Variants in NDUFA5 observed in about 807,000 individuals in gnomAD.
NDUFA5 encodes the protein NADH:ubiquinone oxidoreductase subunit A5, also known as NADH dehydrogenase [ubiquinone] 1 alpha subcomplex subunit 5.
A neutral mutation model predicts 19.8 loss-of-function variants in NDUFA5; 11 were observed. The ratio of observed to expected loss-of-function variants is 0.56; its 90% CI spans 0.35 to 0.92. The LOEUF (loss-of-function observed/expected upper bound fraction) is 0.92. Among genes scored for constraint, NDUFA5 ranks in the 40% least tolerant of loss-of-function variants. NDUFA5 has a pLI of 0.01. For synonymous variants in NDUFA5, 47 were observed against 46.8 expected (o/e 1.00, Z -0.01); for missense variants, 109 against 134.2 (o/e 0.81, Z 0.93).
chr7:123,594,443 G>A, the NDUFA5 span, among the ~76,000 whole-genome samples: 1 of 152,114 alleles, frequency 6.6e-6, no homozygotes, highest in Non-Finnish European at 1.5e-5. Flanking sequence ...TTTGTTGTTG[G>A]TGACCTACGT....
At chr7:123,558,331 G>T, upstream of NDUFA5, 1 of 154,934 alleles carries the variant, frequency 6.5e-6, no homozygotes, top group African/African-American at 2.4e-5. Context: ...CGCTCTTTTC[G>T]ATTTCACTGG....
the NDUFA5 span, among the ~76,000 whole-genome samples, chr7:123,581,409 G>T: frequency 1.1e-4 from 14 of 129,306 alleles, no homozygotes; most frequent in East Asian, 3.0e-3. Flanking sequence ...ATTCAAGTGA[G>T]CACTTAAAAA....
At chr7:123,556,469 A>T (rs934185876) in intron 2 of NDUFA5, 7 of 168,720 alleles carry the variant, frequency 4.1e-5, no homozygotes, top group African/African-American at 1.7e-4. Context: ...ATCCTGACTA[A>T]CTCAAATTTT....
the NDUFA5 span, among the ~76,000 whole-genome samples, chr7:123,576,728 C>T: frequency 6.6e-6 from 1 of 152,142 alleles, no homozygotes; most frequent in Non-Finnish European, 1.5e-5. Flanking sequence ...TTACTACACA[C>T]TTCACTGTGA....
Position 123,542,044 on chromosome 7 carries a change from TAAG to T in NDUFA5, c.*72_*74del. ...TTTCTTGATTACAAAATGTCAGTAA[TAAG>T]AACACGCTCTTAATATAACAGAATA... On this transcript the variant is annotated 3_prime_UTR_variant, in exon 5 of 5. Transcript: ENST00000355749. 5.8e-6 allele frequency: 6 copies of T among 1,040,922 alleles called. No individual in the cohort carries two copies. The highest frequency in any genetic ancestry group is 8.3e-6 in the Non-Finnish European group (6 of 726,688). 64.5% of individuals were successfully genotyped at this position (1,040,922 alleles called of 1,614,324 possible).
At chr7:123,569,209 C>T in the NDUFA5 span, among the ~76,000 whole-genome samples, 2 of 152,126 alleles carry the variant, frequency 1.3e-5, no homozygotes, top group African/African-American at 4.8e-5. Flanking sequence ...GCTAAAGAGA[C>T]AGACGTAAAT....
chr7:123,552,636 T>TAAAAAAAAAAAA (rs774901648), intron 2 of NDUFA5, among the ~76,000 whole-genome samples: 8 of 67,370 alleles, frequency 1.2e-4, no homozygotes, highest in Admixed American at 1.7e-4. Flanking sequence ...AAAGTATAAC[T>TAAAAAAAAAAAA]AAAAAAAAAA....
the NDUFA5 span, among the ~76,000 whole-genome samples, chr7:123,597,474 C>A: frequency 2.0e-4 from 30 of 152,020 alleles, no homozygotes; most frequent in South Asian, 6.2e-4. Context: ...AGGAAAAAAA[C>A]CAGCATACAT....
the NDUFA5 span, among the ~76,000 whole-genome samples, chr7:123,573,006 C>T: frequency 2.0e-5 from 3 of 151,944 alleles, no homozygotes; most frequent in Non-Finnish European, 4.4e-5. Context: ...AAACGATCAG[C>T]TATGTGTTTT....
chr7:123,600,612 T>G, the NDUFA5 span, among the ~76,000 whole-genome samples: 1 of 152,226 alleles, frequency 6.6e-6, no homozygotes, highest in Non-Finnish European at 1.5e-5. Flanking sequence ...ATGTAGACAA[T>G]GTATGCAATG....
At chr7:123,577,266 A>G in the NDUFA5 span, among the ~76,000 whole-genome samples, 1 of 152,174 alleles carries the variant, frequency 6.6e-6, no homozygotes, top group Non-Finnish European at 1.5e-5. Flanking sequence ...TTATTACAAA[A>G]ATAATAATTG....
In NDUFA5 at chr7:123,537,965, T is replaced by C. The variant is rs1044547795; in HGVS notation, c.*4154A>G. The stretch of plus-strand genomic sequence containing the variant: ...ATACAGATGCCAATCATAAATTACA[T>C]TTAAGTGTACCACAAAAAATTAGCT... On this transcript the variant is annotated 3_prime_UTR_variant, in exon 5 of 5. Coordinates refer to ENST00000355749, the MANE Select transcript of NDUFA5 (RefSeq NM_005000.5). The C allele has an allele frequency of 6.6e-6, 1 of 152,214 alleles. No homozygotes were observed. The highest frequency in any genetic ancestry group is 1.5e-5 in the Non-Finnish European group (1 of 68,036). 9.4% of individuals were successfully genotyped at this position (152,214 alleles called of 1,614,324 possible).
At chr7:123,545,720 G>T in intron 3 of NDUFA5, 44 bp from the exon 4 acceptor site, 2 of 1,346,570 alleles carry the variant, frequency 1.5e-6, no homozygotes, top group South Asian at 2.4e-5. Flanking sequence ...CATACTAACT[G>T]AATGTTTCAA....
the NDUFA5 span, among the ~76,000 whole-genome samples, chr7:123,591,213 A>AT: frequency 6.6e-6 from 1 of 151,992 alleles, no homozygotes; most frequent in Non-Finnish European, 1.5e-5. Flanking sequence ...AGACAATGGG[A>AT]TTTTCTAAAT....
the NDUFA5 span, among the ~76,000 whole-genome samples, chr7:123,587,477 A>G: frequency 6.6e-6 from 1 of 151,386 alleles, no homozygotes; most frequent in African/African-American, 2.4e-5. Context: ...TATACATGGT[A>G]TTATGTCATC....
At chr7:123,581,042 T>C in the NDUFA5 span, among the ~76,000 whole-genome samples, 1 of 151,966 alleles carries the variant, frequency 6.6e-6, no homozygotes, top group East Asian at 1.9e-4. Context: ...CTGGCTTTCT[T>C]CAGCTTGTTG....
At chr7:123,582,981 T>A in the NDUFA5 span, among the ~76,000 whole-genome samples, 1 of 152,096 alleles carries the variant, frequency 6.6e-6, no homozygotes. Flanking sequence ...TACTAGCCTC[T>A]ATTTTAAAAT....
chr7:123,572,936 C>A, the NDUFA5 span, among the ~76,000 whole-genome samples: 2 of 148,840 alleles, frequency 1.3e-5, no homozygotes, highest in African/African-American at 5.0e-5. Flanking sequence ...TTTTTTTGTC[C>A]CTGCTGGTTT....
chr7:123,547,742 G>GA (rs1399340137), intron 3 of NDUFA5, among the ~76,000 whole-genome samples: 2 of 152,132 alleles, frequency 1.3e-5, no homozygotes, highest in Non-Finnish European at 2.9e-5. Flanking sequence ...TTTCATTTCA[G>GA]AAAAAGCCTG....
Sources: allele counts gnomAD v4.1 joint callset (sites outside exome capture counted in the v4.1 genomes callset), GRCh38; gene constraint gnomAD v4.1.1; transcripts MANE v1.5; gene names NCBI Gene and HGNC (gene_info 2026-07-23, HGNC 2026-07-21).